The following PTGES3 variants were observed in gnomAD, a reference collection of about 807,000 sequenced individuals.
PTGES3 encodes the protein prostaglandin E synthase 3, also known as Hsp90 co-chaperone.
Under a neutral mutation model 29.9 loss-of-function variants are expected in PTGES3, and 5 were observed. The ratio of observed to expected loss-of-function variants is 0.17; its 90% confidence interval spans 0.09 to 0.35. PTGES3 has a LOEUF of 0.35. Ranked by LOEUF, PTGES3 falls within the 10% of genes least tolerant of loss-of-function variation. The pLI is 1.00. For missense variants in PTGES3, 128 were observed against 190.0 expected (o/e 0.67, Z 1.92); for synonymous variants, 49 against 57.8 (o/e 0.85, Z 0.69).
In PTGES3 at chr12:56,688,163, G is replaced by C. The variant is rs770670758; in HGVS notation, c.-164C>G. 15 of 1,310,964 alleles carry C rather than the reference G, an allele frequency of 1.1e-5. No homozygotes were observed. The highest frequency in any genetic ancestry group is 1.5e-5 in the Non-Finnish European group (15 of 1,008,694). 81.2% of individuals were successfully genotyped at this position (1,310,964 alleles called of 1,614,324 possible). A position where few individuals can be genotyped will look rare whatever the true frequency, so the allele number is the denominator to read the frequency against. ...CGGCGGCAGCGGCGGGCTCGACCTC[G>C]GGCCCCAGAATGCACCGCGCGGAAA... is the stretch of plus-strand genomic sequence containing the variant. On this transcript the variant is annotated 5_prime_UTR_variant, in exon 1 of 8. Transcript: ENST00000262033.
At chr12:56,679,220 C>T (rs561961489) in intron 1 of PTGES3, among the ~76,000 whole-genome samples, 5 of 152,186 alleles carry the variant, frequency 3.3e-5, no homozygotes, top group African/African-American at 1.2e-4. Context: ...ACCAACCATG[C>T]CAACATGGCA....
At chr12:56,673,403 G>C (rs1952083314) in intron 1 of PTGES3, among the ~76,000 whole-genome samples, 1 of 150,490 alleles carries the variant, frequency 6.6e-6, no homozygotes, top group African/African-American at 2.4e-5. Context: ...GCCAAGGCAG[G>C]TGGGTCACTT....
At chr12:56,680,807 C>T (rs1229445910) in intron 1 of PTGES3, among the ~76,000 whole-genome samples, 38 of 145,190 alleles carry the variant, frequency 2.6e-4, no homozygotes, top group African/African-American at 9.2e-4. Context: ...GAGACCAGTT[C>T]TTGCTTTGTC....
Position 56,688,106 on chromosome 12 carries a change from G to C in PTGES3, c.-107C>G, listed in dbSNP as rs1236423730. The C allele has an allele frequency of 7.0e-7, 1 of 1,429,412 alleles. No homozygotes were observed. The highest frequency in any genetic ancestry group is 9.2e-7 in the Non-Finnish European group (1 of 1,092,822). The allele number at this position is 1,429,412 out of a possible 1,614,324, so 88.5% of individuals were successfully genotyped here. On this transcript the variant is annotated 5_prime_UTR_variant, in exon 1 of 8. Coordinates refer to ENST00000262033, the MANE Select transcript of PTGES3 (RefSeq NM_006601.7). ...GGTGGCGACTCCGCTTTTTCTCTCC[G>C]GTCGCGGCCTCTTCTCGCTTCCCTC...
intron 5 of PTGES3, among the ~76,000 whole-genome samples, chr12:56,667,783 A>C (rs1951844026): frequency 6.6e-6 from 1 of 152,250 alleles, no homozygotes; most frequent in African/African-American, 2.4e-5. Flanking sequence ...TTATGCCTAT[A>C]GTTAACAATA....
chr12:56,677,632 A>C (rs1952319342), intron 1 of PTGES3, among the ~76,000 whole-genome samples: 1 of 152,084 alleles, frequency 6.6e-6, no homozygotes, highest in Non-Finnish European at 1.5e-5. Context: ...AATGACTTCT[A>C]TCATCTCACT....
intron 5 of PTGES3, among the ~76,000 whole-genome samples, chr12:56,667,369 GA>G (rs1385569944): frequency 1.3e-5 from 2 of 151,744 alleles, no homozygotes; most frequent in Non-Finnish European, 2.9e-5. Flanking sequence ...CATATGCATG[GA>G]AAAAAAATCA....
At chr12:56,684,410 A>C (rs1952728635) in intron 1 of PTGES3, among the ~76,000 whole-genome samples, 1 of 152,220 alleles carries the variant, frequency 6.6e-6, no homozygotes, top group Admixed American at 6.6e-5. Flanking sequence ...AACAAAGGCC[A>C]CCCACCATCA....
rs187851498 is a variant in PTGES3 at position 56,669,264 on chromosome 12, C to T, written c.375+1011G>A. On this transcript the variant is annotated intron_variant, in intron 5 of 7. Transcript: ENST00000262033. ...GACTGGAGTGCAATAGCGATCTCGG[C>T]TCACCGCAACCTCCACCTCCCGGGT... Among the ~76,000 whole-genome samples the T allele has an allele frequency of 2.0e-5, 3 of 152,224 alleles. No homozygotes were observed. The East Asian group carries it at 5.8e-4, about 29-fold the overall frequency.
intron 1 of PTGES3, among the ~76,000 whole-genome samples, chr12:56,680,189 A>T (rs1952462336): frequency 6.6e-6 from 1 of 150,848 alleles, no homozygotes; most frequent in African/African-American, 2.4e-5. Flanking sequence ...CTCCTGCCTC[A>T]GCCTCACAAT....
intron 3 of PTGES3, 42 bp downstream of exon 3, chr12:56,672,698 C>T: frequency 6.7e-7 from 1 of 1,502,852 alleles, no homozygotes; most frequent in Non-Finnish European, 8.9e-7. Flanking sequence ...ATGTCTGTTT[C>T]CTCACAACTA....
At chr12:56,684,903 A>C (rs1014610779) in intron 1 of PTGES3, among the ~76,000 whole-genome samples, 1 of 152,152 alleles carries the variant, frequency 6.6e-6, no homozygotes, top group African/African-American at 2.4e-5. Flanking sequence ...TCAAATGAGA[A>C]AACACACTCC....
At chr12:56,682,324 TGAG>T (rs943537903) in intron 1 of PTGES3, among the ~76,000 whole-genome samples, 5 of 152,224 alleles carry the variant, frequency 3.3e-5, no homozygotes, top group South Asian at 2.1e-4. Flanking sequence ...TCTGGGAGGC[TGAG>T]GAGGGAAGAC....
At position 56,671,740 on chromosome 12, in the gene PTGES3, G is replaced by A. The variant is rs769957450; in HGVS notation, c.285+9C>T. The stretch of plus-strand genomic sequence containing the variant: ...ATCAAACTTTTCAAAAAAGGAAAAT[G>A]AAACCTACCTTTGCCCTTTCTTTTG... On this transcript the variant is annotated intron_variant, in intron 4 of 7. Transcript: ENST00000262033. 2 of 1,490,538 alleles carry A rather than the reference G, an allele frequency of 1.3e-6. No individual in the cohort carries two copies. Among genetic ancestry groups the A allele is most frequent in the East Asian group, 2.4e-5 (1 of 41,692 alleles). 92.3% of individuals were successfully genotyped at this position (1,490,538 alleles called of 1,614,324 possible).
At chr12:56,673,297 T>C (rs188558289) in intron 1 of PTGES3, among the ~76,000 whole-genome samples, 369 of 152,016 alleles carry the variant, frequency 2.4e-3, no homozygotes, top group African/African-American at 8.6e-3. Flanking sequence ...AACCAAACAA[T>C]GCTTAGTAGA....
At chr12:56,686,891 T>TC (rs1232571737) in intron 1 of PTGES3, 16 of 393,494 alleles carry the variant, frequency 4.1e-5, no homozygotes, top group Non-Finnish European at 6.2e-5. Context: ...ATAAAGTCAC[T>TC]CCCCTCTTCT....
At chr12:56,685,407 T>C (rs921935378) in intron 1 of PTGES3, among the ~76,000 whole-genome samples, 1 of 149,456 alleles carries the variant, frequency 6.7e-6, no homozygotes, top group African/African-American at 2.5e-5. Context: ...TTCTTTTTTT[T>C]TTTTTTTTTT....
intron 5 of PTGES3, among the ~76,000 whole-genome samples, chr12:56,668,460 TG>T (rs1470948853): frequency 6.6e-6 from 1 of 152,012 alleles, no homozygotes; most frequent in African/African-American, 2.4e-5. Context: ...GTTATAAGGC[TG>T]GGGGTGGTGG....
At chr12:56,687,682 C>CAGCTACCGGGAGTA (rs2137760934) in intron 1 of PTGES3, 2 of 1,275,580 alleles carry the variant, frequency 1.6e-6, no homozygotes, top group East Asian at 7.3e-5. Context: ...GCATGGCGAG[C>CAGCTACCGGGAGTA]AGCTACCGGG....
Sources: gnomAD v4.1 joint callset for allele counts (sites outside exome capture counted in the v4.1 genomes callset) on GRCh38, gnomAD v4.1.1 for gene constraint, MANE v1.5 for transcripts, NCBI Gene and HGNC (gene_info 2026-07-23, HGNC 2026-07-21) for gene names.